PDCD2L: variants seen among roughly 807,000 people sequenced by gnomAD.
The protein encoded by PDCD2L is uS5 assembly chaperone PDCD2L.
PDCD2L carries 44 observed loss-of-function variants against 40.4 expected under a neutral mutation model. That is an observed-to-expected ratio of 1.09 (90% CI 0.86 to 1.40). PDCD2L has a LOEUF of 1.40. Ranked by LOEUF, PDCD2L falls within the 40% of genes most tolerant of loss-of-function variation. The pLI is 0.00. For missense variants in PDCD2L, 470 were observed against 453.7 expected, an observed-to-expected ratio of 1.04 and a Z score of -0.33; for synonymous variants, 194 against 174.6, an observed-to-expected ratio of 1.11 and a Z score of -0.88.
chr19:34,406,071 G>T (rs1368185235), intron 3 of PDCD2L, among the ~76,000 whole-genome samples: 2 of 152,306 alleles, frequency 1.3e-5, no homozygotes, highest in East Asian at 3.9e-4. Flanking sequence ...GAGTCTAGGA[G>T]GTTGAGGCTG....
intron 4 of PDCD2L, among the ~76,000 whole-genome samples, chr19:34,411,963 CATATAT>C (rs74177146): frequency 4.4e-5 from 6 of 137,672 alleles, no homozygotes; most frequent in Admixed American, 3.1e-4. Flanking sequence ...ATGAAAAATA[CATATAT>C]ATATATATAT....
chr19:34,422,012 A>C (rs892064521), intron 6 of PDCD2L: 3 of 161,208 alleles, frequency 1.9e-5, no homozygotes, highest in African/African-American at 7.3e-5. Flanking sequence ...GCTTGAACCC[A>C]GGAGGTAGAG....
rs575703292 is a variant in PDCD2L at position 34,421,377 on chromosome 19, A to G, written c.798-142A>G. The G allele has an allele frequency of 3.4e-5, 30 of 878,522 alleles. No individual in the cohort carries two copies. In the African/African-American group the frequency reaches 4.5e-4, roughly 13 times the overall value. 54.4% of individuals were successfully genotyped at this position (878,522 alleles called of 1,614,324 possible). ...TGACAAGATTTCCAGATATCTTGCTATGCTTTACAGCCATGGTGCTAGGTT... is the reference window on the plus strand; with the variant it reads ...TGACAAGATTTCCAGATATCTTGCTGTGCTTTACAGCCATGGTGCTAGGTT... On this transcript the variant is annotated intron_variant, in intron 5 of 6. Transcript: ENST00000246535.
chr19:34,420,805 A>AAC (rs2075147328), intron 5 of PDCD2L, among the ~76,000 whole-genome samples: 3 of 149,294 alleles, frequency 2.0e-5, no homozygotes, highest in Admixed American at 2.0e-4. Context: ...AAAAAAAAAA[A>AAC]AAACCCAAAA....
At chr19:34,425,944 C>A (rs1251335904) in intron 6 of PDCD2L, 46 bp from the exon 7 acceptor site, 4 of 1,586,682 alleles carry the variant, frequency 2.5e-6, no homozygotes, top group Admixed American at 1.8e-5. Flanking sequence ...TAACATCAGT[C>A]TCATAACTCT....
At chr19:34,413,645 T>A (rs1056486010) in intron 4 of PDCD2L, 92 bp from the exon 5 acceptor site, 3 of 836,488 alleles carry the variant, frequency 3.6e-6, no homozygotes, top group Admixed American at 2.5e-5. Flanking sequence ...CCTGATAAAA[T>A]TTTTTAAAAG....
At position 34,421,574 on chromosome 19, in the gene PDCD2L, G is replaced by C. The variant is rs372971197; in HGVS notation, c.853G>C (p.Glu285Gln). 6.2e-6 allele frequency: 10 copies of C among 1,613,950 alleles called. No individual in the cohort carries two copies. Among genetic ancestry groups the C allele is most frequent in the Admixed American group, 5.0e-5 (3 of 59,980 alleles). The change falls in exon 6 of 7, where the codon GAG (glutamate) becomes CAG (glutamine). Residue 285 changes from glutamate (E) to glutamine (Q), a missense_variant. Transcript: ENST00000246535. ...FLTCPTSEVT[E>Q]LPACSQCGGQ... ...GACCTGCCCTACATCAGAAGTCACCGAGCTCCCAGCCTGCAGCCAGTGTGG... is the reference window on the plus strand; with the variant it reads ...GACCTGCCCTACATCAGAAGTCACCCAGCTCCCAGCCTGCAGCCAGTGTGG...
Position 34,404,422 on chromosome 19 carries a change from C to G in PDCD2L, c.-9C>G, listed in dbSNP as rs1436931855. ...GTAGTTTGCGTTTTCACCTGGTCGCCCGGCGGCCATGGCGGCCGTTCTGAA... is the reference window on the plus strand; with the variant it reads ...GTAGTTTGCGTTTTCACCTGGTCGCGCGGCGGCCATGGCGGCCGTTCTGAA... On this transcript the variant is annotated 5_prime_UTR_variant, in exon 1 of 7. Coordinates refer to ENST00000246535, the MANE Select transcript of PDCD2L (RefSeq NM_032346.2). 5 of 1,540,018 alleles carry G rather than the reference C, an allele frequency of 3.2e-6. No homozygotes were observed. The African/African-American group carries it at 6.9e-5, about 21-fold the overall frequency.
chr19:34,411,389 G>A (rs998674458), intron 4 of PDCD2L, among the ~76,000 whole-genome samples: 6 of 151,800 alleles, frequency 4.0e-5, no homozygotes, highest in Admixed American at 1.3e-4. Flanking sequence ...ATAGGCGTGC[G>A]CCACTTCACC....
At chr19:34,416,477 A>G (rs558027963) in intron 5 of PDCD2L, among the ~76,000 whole-genome samples, 4 of 152,248 alleles carry the variant, frequency 2.6e-5, no homozygotes, top group Admixed American at 1.3e-4. Flanking sequence ...AGCATTTTAC[A>G]CTGTCTCAGA....
intron 4 of PDCD2L, among the ~76,000 whole-genome samples, chr19:34,412,639 AC>A (rs2075108999): frequency 1.3e-5 from 2 of 150,262 alleles, no homozygotes; most frequent in African/African-American, 4.9e-5. Flanking sequence ...AATTGCTTGA[AC>A]CCAGGAGGTG....
chr19:34,421,414 G>T, intron 5 of PDCD2L, 105 bp from the exon 6 acceptor site: 1 of 1,366,598 alleles, frequency 7.3e-7, no homozygotes, highest in Non-Finnish European at 1.0e-6. Context: ...TTGGGCCTCT[G>T]GGAGATTTCT....
chr19:34,421,733 C>A, intron 6 of PDCD2L, 66 bp downstream of exon 6: 1 of 1,489,704 alleles, frequency 6.7e-7, no homozygotes, highest in Non-Finnish European at 9.1e-7. Context: ...AATGAAAAAC[C>A]TTTTGTTTAC....
intron 5 of PDCD2L, among the ~76,000 whole-genome samples, chr19:34,414,733 A>G (rs968678222): frequency 6.6e-6 from 1 of 151,780 alleles, no homozygotes; most frequent in Non-Finnish European, 1.5e-5. Context: ...CAAGCCATCC[A>G]CCTGCCTTGG....
intron 5 of PDCD2L, among the ~76,000 whole-genome samples, chr19:34,421,193 ACTT>A (rs1176377021): frequency 6.6e-6 from 1 of 152,026 alleles, no homozygotes; most frequent in Non-Finnish European, 1.5e-5. Context: ...GGGGTTGGGG[ACTT>A]CTTCTCTAAG....
At chr19:34,406,447 G>A (rs538939621) in intron 3 of PDCD2L, among the ~76,000 whole-genome samples, 4 of 149,832 alleles carry the variant, frequency 2.7e-5, no homozygotes, top group South Asian at 2.1e-4. Flanking sequence ...GTGCAGTGGC[G>A]CCGTCTCTGC....
Position 34,426,119 on chromosome 19 carries a change from AGAGCAT to A in PDCD2L, c.1077_*5del. 6.4e-7 allele frequency: 1 copy of A among 1,550,624 alleles called. No homozygotes were observed. Among genetic ancestry groups the A allele is most frequent in the East Asian group, 2.2e-5 (1 of 44,514 alleles). On this transcript the variant is annotated stop_lost and 3_prime_UTR_variant, in exon 7 of 7. Coordinates refer to ENST00000246535, the MANE Select transcript of PDCD2L (RefSeq NM_032346.2). ...GACCCAGATGAATTATTGTTTAAGT[AGAGCAT>A]TTCCTTTTATTAATATAAATTAAAA...
intron 6 of PDCD2L, 29 bp downstream of exon 6, chr19:34,421,696 G>A (rs756466954): frequency 4.5e-6 from 7 of 1,559,982 alleles, no homozygotes; most frequent in South Asian, 2.4e-5. Context: ...ATTTGAGTTT[G>A]TGGATTTCTG....
chr19:34,408,751 C>G (rs1451721582), intron 3 of PDCD2L, among the ~76,000 whole-genome samples: 1 of 152,170 alleles, frequency 6.6e-6, no homozygotes, highest in Non-Finnish European at 1.5e-5. Context: ...TGTGGTCTTT[C>G]TTTCTACTTC....
Sources: allele counts gnomAD v4.1 joint callset (sites outside exome capture counted in the v4.1 genomes callset), GRCh38; gene constraint gnomAD v4.1.1; transcripts MANE v1.5; gene names NCBI Gene and HGNC (gene_info 2026-07-23, HGNC 2026-07-21).